The following AGO1 variants were observed in gnomAD, a reference collection of about 807,000 sequenced individuals.
The protein encoded by AGO1 is protein argonaute-1.
Under a neutral mutation model 109.2 loss-of-function variants are expected in AGO1, and 11 were observed. The ratio of observed to expected loss-of-function variants is 0.10; its 90% CI spans 0.06 to 0.17. The LOEUF is 0.17. Among genes scored for constraint, AGO1 ranks in the 10% least tolerant of loss-of-function variants. The pLI, the probability that AGO1 is intolerant of heterozygous loss-of-function variation, is 1.00. For synonymous variants in AGO1, 422 were observed against 418.6 expected (o/e 1.01, Z -0.10); for missense variants, 574 against 1,140.3 (o/e 0.50, Z 7.15).
intron 1 of AGO1, among the ~76,000 whole-genome samples, chr1:35,878,021 G>A (rs1369912106): frequency 6.6e-6 from 1 of 151,052 alleles, no homozygotes; most frequent in Non-Finnish European, 1.5e-5. Context: ...TTGCTATGTT[G>A]ATTTGGGGGG....
intron 12 of AGO1, among the ~76,000 whole-genome samples, chr1:35,913,385 T>C (rs535404617): frequency 6.6e-6 from 1 of 152,336 alleles, no homozygotes; most frequent in East Asian, 1.9e-4. Flanking sequence ...GACCACATTC[T>C]TTCCTTACAA....
At chr1:35,913,695 C>T (rs1055713167) in intron 12 of AGO1, 147 bp from the exon 13 acceptor site, 4 of 672,656 alleles carry the variant, frequency 5.9e-6, no homozygotes, top group South Asian at 3.0e-5. Flanking sequence ...AAAATTAGTC[C>T]CTATTTAGTA....
rs1645256040 is a variant in AGO1 at position 35,893,337 on chromosome 1, G to C, written c.512+59G>C. ...GTTGGCAGAACTGCTGTCAGGGGAG[G>C]AGGGGGAGCACATATTAAGGTCCCA... On this transcript the variant is annotated intron_variant, in intron 4 of 18. Transcript: ENST00000373204. This position sits in a 1 kb window ranked among gnomAD's most constrained non-coding sequence, Gnocchi z 5.6. 1.3e-6 allele frequency: 2 copies of C among 1,555,722 alleles called. No individual in the cohort carries two copies. Among genetic ancestry groups the C allele is most frequent in the South Asian group, 2.3e-5 (2 of 85,378 alleles).
rs953787969 is a variant in AGO1 at position 35,917,829 on chromosome 1, A to G, written c.2163+102A>G. On this transcript the variant is annotated intron_variant, in intron 16 of 18. Transcript: ENST00000373204. ...AGGCTGGGGATTTAGTCCTTGTCCT[A>G]TCTATCCTCCCTGGCCCCTTCCCTC... 11 of 1,497,230 alleles carry G rather than the reference A, an allele frequency of 7.3e-6. No homozygotes were observed. The African/African-American group carries it at 1.1e-4, about 15-fold the overall frequency. The allele number at this position is 1,497,230 out of a possible 1,614,324, so 92.7% of individuals were successfully genotyped here.
chr1:35,903,688 GGCAT>G (rs1402515096), intron 11 of AGO1, among the ~76,000 whole-genome samples: 1 of 151,590 alleles, frequency 6.6e-6, no homozygotes, highest in Non-Finnish European at 1.5e-5. Flanking sequence ...TTCTAGGCTG[GGCAT>G]GGTGGCTCCT....
chr1:35,882,278 C>G (rs561378828), upstream of AGO1, among the ~76,000 whole-genome samples: 2 of 151,896 alleles, frequency 1.3e-5, no homozygotes, highest in Non-Finnish European at 2.9e-5. The surrounding 1 kb of genome is among the most constrained non-coding windows in gnomAD (Gnocchi z 5.1). Flanking sequence ...ATAGTTGGGC[C>G]GTAAGAGTGG....
At chr1:35,887,675 T>C (rs775804282) in intron 1 of AGO1, among the ~76,000 whole-genome samples, 2 of 152,068 alleles carry the variant, frequency 1.3e-5, no homozygotes, top group Middle Eastern at 3.2e-3. Flanking sequence ...TTTTTTATCA[T>C]TGTCTCCCCA....
chr1:35,899,556 T>C (rs1645378617), intron 8 of AGO1, among the ~76,000 whole-genome samples: 1 of 152,260 alleles, frequency 6.6e-6, no homozygotes, highest in African/African-American at 2.4e-5. Context: ...TCTGTATCTT[T>C]AACCACCTGT....
chr1:35,903,447 G>T (rs1347768164), intron 11 of AGO1, among the ~76,000 whole-genome samples: 1 of 152,018 alleles, frequency 6.6e-6, no homozygotes, highest in African/African-American at 2.4e-5. Flanking sequence ...ATCTGGAGTG[G>T]GGTCAATGCA....
intron 14 of AGO1, among the ~76,000 whole-genome samples, chr1:35,914,824 A>G (rs551470497): frequency 3.9e-5 from 6 of 152,338 alleles, no homozygotes; most frequent in Non-Finnish European, 7.3e-5. Flanking sequence ...GGGAAACCCT[A>G]TAATATGCTT....
intron 15 of AGO1, among the ~76,000 whole-genome samples, chr1:35,917,329 C>G (rs2148725007): frequency 6.6e-6 from 1 of 152,268 alleles, no homozygotes; most frequent in South Asian, 2.1e-4. Context: ...TATTAGGTCT[C>G]TTTATACACA....
intron 7 of AGO1, among the ~76,000 whole-genome samples, 185 bp downstream of exon 7, chr1:35,894,587 T>A (rs957778744): frequency 2.0e-5 from 3 of 151,896 alleles, no homozygotes; most frequent in Non-Finnish European, 4.4e-5. Flanking sequence ...GTTGATACTC[T>A]CCCTACCATT....
rs1371847135 is a variant in AGO1, at chr1:35,918,367, A to G, written c.2209A>G (p.Asn737Asp). Residue 737 changes from asparagine (N) to aspartate (D), a missense_variant, in exon 17 of 19, where the codon AAC becomes GAC. Physicochemically the swap from Asn to Asp is conservative, Grantham distance 23. Transcript: ENST00000373204. ...NIPAGTTVDT[N>D]ITHPFEFDFY... ...CCCAGCTGGGACCACAGTGGACACC[A>G]ACATCACCCACCCATTTGAGTTTGA... 1 of 1,614,030 alleles carries G rather than the reference A, an allele frequency of 6.2e-7. No individual in the cohort carries two copies. The highest frequency in any genetic ancestry group is 8.5e-7 in the Non-Finnish European group (1 of 1,180,032).
intron 8 of AGO1, among the ~76,000 whole-genome samples, chr1:35,900,406 A>G (rs1322958198): frequency 1.3e-5 from 2 of 152,150 alleles, no homozygotes; most frequent in Non-Finnish European, 2.9e-5. Context: ...TCTTGAGGCA[A>G]CTCTTAGATT....
rs1432507106 is a variant in AGO1 at position 35,913,973 on chromosome 1, A to G, written c.1714A>G (p.Ile572Val). The change falls in exon 13 of 19, where the codon ATT becomes GTT. Residue 572 changes from isoleucine (I) to valine (V), a missense_variant. Coordinates refer to ENST00000373204, the MANE Select transcript of AGO1 (RefSeq NM_012199.5). Reference sequence around the variant, plus strand: ...CAAGATCAATGTCAAACTTGGTGGCATTAACAACATCCTAGTCCCACACCA... The same window carrying G: ...CAAGATCAATGTCAAACTTGGTGGCGTTAACAACATCCTAGTCCCACACCA... The part of the protein sequence containing the change: ...CLKINVKLGG[I>V]NNILVPHQRS... 1.9e-6 allele frequency: 3 copies of G among 1,614,022 alleles called. No homozygotes were observed. The highest frequency in any genetic ancestry group is 1.3e-5 in the African/African-American group (1 of 74,908).
At chr1:35,918,272 G>A (rs2148725474) in intron 16 of AGO1, 50 bp from the exon 17 acceptor site, 1 of 1,469,778 alleles carries the variant, frequency 6.8e-7, no homozygotes, top group African/African-American at 1.4e-5. Flanking sequence ...CAGGGTCCTG[G>A]TTAGGGCCAG....
At chr1:35,899,083 T>G (rs925680547) in intron 8 of AGO1, among the ~76,000 whole-genome samples, 2 of 152,216 alleles carry the variant, frequency 1.3e-5, no homozygotes, top group African/African-American at 4.8e-5. Flanking sequence ...ACCACCATTC[T>G]ACTTTCTGTC....
At position 35,901,586 on chromosome 1, in the gene AGO1, G is replaced by T. The variant is rs1369030058; in HGVS notation, c.1133G>T (p.Ser378Ile). ...RSAPDRQEEI[S>I]RLMKNASYNL... ...GCTCCAGACAGACAGGAGGAGATCA[G>T]TCGCCTGGTCAGTGGGCCTACTCAT... The change falls in exon 9 of 19, where the codon AGT (serine) becomes ATT (isoleucine). Residue 378 changes from serine (S) to isoleucine (I), a missense_variant. Physicochemically the swap from Ser to Ile is moderately radical, Grantham distance 142 (BLOSUM62 -2). Transcript: ENST00000373204. This position sits in a 1 kb window ranked among gnomAD's most constrained non-coding sequence, Gnocchi z 4.8. 6.2e-7 allele frequency: 1 copy of T among 1,614,190 alleles called. No individual in the cohort carries two copies. Among genetic ancestry groups the T allele is most frequent in the South Asian group, 1.1e-5 (1 of 91,080 alleles).
At chr1:35,886,878 G>A (rs1645129380) in intron 1 of AGO1, among the ~76,000 whole-genome samples, 1 of 152,126 alleles carries the variant, frequency 6.6e-6, no homozygotes, top group African/African-American at 2.4e-5. Flanking sequence ...GGCAGATATA[G>A]TCCCTGCCTT....
Sources: allele counts gnomAD v4.1 joint callset (sites outside exome capture counted in the v4.1 genomes callset), GRCh38; gene constraint gnomAD v4.1.1; non-coding constraint Gnocchi (gnomAD v3.1); transcripts MANE v1.5; gene names NCBI Gene and HGNC (gene_info 2026-07-23, HGNC 2026-07-21).